Variants in CLMN observed in about 807,000 individuals in gnomAD.
The protein encoded by CLMN is calmin.
In CLMN, 57 loss-of-function variants were observed where a neutral mutation model predicts 92.7. The ratio of observed to expected loss-of-function variants is 0.61; its 90% CI spans 0.50 to 0.77. The LOEUF (loss-of-function observed/expected upper bound fraction) is 0.77, where lower values mean the gene tolerates loss of function less well. Among genes scored for constraint, CLMN ranks in the 30% least tolerant of loss-of-function variants. The probability of loss-of-function intolerance (pLI) is 0.00; values close to 1 mark genes in which losing one functional copy is unlikely to be tolerated. For missense variants in CLMN, 1,158 were observed against 1,237.5 expected (o/e 0.94, Z 0.96); for synonymous variants, 466 against 470.6 (o/e 0.99, Z 0.13).
At chr14:95,316,359 A>G (rs1901770233) in intron 1 of CLMN, among the ~76,000 whole-genome samples, 2 of 152,236 alleles carry the variant, frequency 1.3e-5, no homozygotes, top group South Asian at 2.1e-4. Flanking sequence ...CCAGAGGGAC[A>G]TGCCCATGCT....
At chr14:95,210,567 AT>A in intron 7 of CLMN, 118 bp downstream of exon 7, 1 of 965,464 alleles carries the variant, frequency 1.0e-6, no homozygotes, top group South Asian at 1.5e-5. Context: ...TGGTAGAAAT[AT>A]AGGAGAAAAA....
At chr14:95,309,589 G>C in intron 1 of CLMN, among the ~76,000 whole-genome samples, 1 of 152,196 alleles carries the variant, frequency 6.6e-6, no homozygotes, top group East Asian at 1.9e-4. Context: ...GCTCAAGCCG[G>C]ACTCTCCCTT....
chr14:95,253,301 C>T (rs1898861424), intron 1 of CLMN, among the ~76,000 whole-genome samples: 1 of 152,202 alleles, frequency 6.6e-6, no homozygotes, highest in Admixed American at 6.5e-5. Flanking sequence ...GCGCTTACCC[C>T]TCCAGGTTGT....
intron 1 of CLMN, among the ~76,000 whole-genome samples, chr14:95,237,601 C>T (rs1469864841): frequency 6.6e-6 from 1 of 152,174 alleles, no homozygotes; most frequent in Non-Finnish European, 1.5e-5. Flanking sequence ...CAGTTTTGTG[C>T]AGAGGGAAGA....
chr14:95,287,096 T>G (rs185515005), intron 1 of CLMN, among the ~76,000 whole-genome samples: 7 of 152,364 alleles, frequency 4.6e-5, no homozygotes, highest in Admixed American at 4.6e-4. Flanking sequence ...GGGCCCCTTG[T>G]GCCTTGCCTC....
intron 1 of CLMN, among the ~76,000 whole-genome samples, chr14:95,296,967 C>A (rs1900832769): frequency 6.6e-6 from 1 of 152,144 alleles, no homozygotes; most frequent in Non-Finnish European, 1.5e-5. Context: ...TAAGAGAACA[C>A]CTTCTGTTGG....
chr14:95,295,418 C>G (rs1389877285), intron 1 of CLMN, among the ~76,000 whole-genome samples: 1 of 152,198 alleles, frequency 6.6e-6, no homozygotes, highest in Non-Finnish European at 1.5e-5. Flanking sequence ...CAGGCTCTCC[C>G]TGGGGGGATA....
chr14:95,227,727 G>T (rs1474653441), intron 2 of CLMN, among the ~76,000 whole-genome samples: 2 of 152,322 alleles, frequency 1.3e-5, no homozygotes, highest in Non-Finnish European at 2.9e-5. Context: ...CGCTCTGTGG[G>T]CTTCATGAGA....
intron 5 of CLMN, among the ~76,000 whole-genome samples, chr14:95,214,833 C>A (rs188653138): frequency 2.6e-5 from 4 of 151,966 alleles, no homozygotes; most frequent in African/African-American, 9.7e-5. Flanking sequence ...GCAGGCATTG[C>A]GCCAAAATCC....
intron 1 of CLMN, among the ~76,000 whole-genome samples, chr14:95,297,099 G>T (rs1343038316): frequency 1.3e-5 from 2 of 152,174 alleles, no homozygotes; most frequent in Admixed American, 6.5e-5. Flanking sequence ...TTTCCCTGCA[G>T]ATATCACTTT....
At chr14:95,269,734 A>G (rs1344298456) in intron 1 of CLMN, among the ~76,000 whole-genome samples, 1 of 152,160 alleles carries the variant, frequency 6.6e-6, no homozygotes, top group Non-Finnish European at 1.5e-5. Context: ...CCCCCACAGC[A>G]TGGAGATACT....
chr14:95,203,310 T>C lies in CLMN; in HGVS notation c.2039A>G (p.Gln680Arg), dbSNP rs1595562625. The change falls in exon 9 of 13, where the codon CAG (glutamine) becomes CGG (arginine). Residue 680 changes from glutamine to arginine, a missense_variant. Coordinates refer to ENST00000298912, the MANE Select transcript of CLMN (RefSeq NM_024734.4). ...YEEEGEDDDL[Q>R]GVGEELSSSP... ...GGAAGATAATTCCTCGCCCACACCC[T>C]GGAGGTCATCGTCTTCTCCCTCTTC... 1 of 1,614,126 alleles carries C rather than the reference T, an allele frequency of 6.2e-7. No homozygotes were observed. The highest frequency in any genetic ancestry group is 8.5e-7 in the Non-Finnish European group (1 of 1,180,016).
intron 1 of CLMN, among the ~76,000 whole-genome samples, chr14:95,248,057 T>C (rs967344976): frequency 6.6e-6 from 1 of 151,828 alleles, no homozygotes; most frequent in Non-Finnish European, 1.5e-5. Context: ...TGGGTTTCTG[T>C]TGGTTACAAT....
chr14:95,304,540 C>T (rs1901193838), intron 1 of CLMN, among the ~76,000 whole-genome samples: 1 of 152,018 alleles, frequency 6.6e-6, no homozygotes, highest in Non-Finnish European at 1.5e-5. Flanking sequence ...CCCTCCCCCA[C>T]ATCTCCCAGC....
intron 3 of CLMN, among the ~76,000 whole-genome samples, chr14:95,222,014 C>G (rs186368342): frequency 3.3e-4 from 50 of 152,300 alleles, no homozygotes; most frequent in African/African-American, 1.1e-3. Flanking sequence ...TGGGATTTAA[C>G]TCGCTGAAGT....
chr14:95,292,384 AACAAC>A (rs1900603180), intron 1 of CLMN, among the ~76,000 whole-genome samples: 1 of 151,888 alleles, frequency 6.6e-6, no homozygotes, highest in African/African-American at 2.4e-5. Flanking sequence ...GGTTTAAAAT[AACAAC>A]ACAAACAAAC....
intron 1 of CLMN, among the ~76,000 whole-genome samples, chr14:95,263,010 T>A (rs549459792): frequency 4.8e-4 from 73 of 152,332 alleles, no homozygotes; most frequent in Middle Eastern, 3.4e-3. Flanking sequence ...TGACAGTGGC[T>A]CCCAGGCTCA....
intron 5 of CLMN, among the ~76,000 whole-genome samples, chr14:95,214,991 T>C (rs1345630027): frequency 6.6e-6 from 1 of 152,152 alleles, no homozygotes; most frequent in Non-Finnish European, 1.5e-5. Context: ...TGAGCACAAT[T>C]TAAAATGTCA....
At chr14:95,308,507 C>A (rs1374225828) in intron 1 of CLMN, among the ~76,000 whole-genome samples, 1 of 152,172 alleles carries the variant, frequency 6.6e-6, no homozygotes, top group Non-Finnish European at 1.5e-5. Flanking sequence ...TTCTACCACT[C>A]ATTAGCTCAA....
Sources: gnomAD v4.1 joint callset for allele counts (sites outside exome capture counted in the v4.1 genomes callset) on GRCh38, gnomAD v4.1.1 for gene constraint, MANE v1.5 for transcripts, NCBI Gene and HGNC (gene_info 2026-07-23, HGNC 2026-07-21) for gene names.